The following IL19 variants were observed in gnomAD, a reference collection of about 807,000 sequenced individuals.
IL19 encodes interleukin-19.
In IL19, 15 loss-of-function variants were observed where a neutral mutation model predicts 19.5. That is an observed-to-expected ratio of 0.77 (90% CI 0.52 to 1.19). The LOEUF (loss-of-function observed/expected upper bound fraction) is 1.19, where lower values mean the gene tolerates loss of function less well. Ranked by LOEUF, IL19 falls within the 50% of genes most tolerant of loss-of-function variation. The pLI, the probability that IL19 is intolerant of heterozygous loss-of-function variation, is 0.00. For missense variants in IL19, 199 were observed against 213.1 expected (o/e 0.93, Z 0.41); for synonymous variants, 78 against 78.3 (o/e 1.00, Z 0.02).
chr1:206,781,902 T>TTAGAAAGTAAAACTGATAA lies in IL19; in HGVS notation c.-149+10824_-149+10825insTAGAAAGTAAAACTGATAA, dbSNP rs1297704349. On this transcript the variant is annotated intron_variant, in intron 1 of 6. Coordinates refer to ENST00000659997, the MANE Select transcript of IL19 (RefSeq NM_153758.5). Reference sequence around the variant, plus strand: ...ACATATATATGTATATAGTTATATATACATATATATGTATATAGTTATATA... The same window carrying TTAGAAAGTAAAACTGATAA: ...ACATATATATGTATATAGTTATATATTAGAAAGTAAAACTGATAAACATATATATGTATATAGTTATATA... Among the ~76,000 whole-genome samples the TTAGAAAGTAAAACTGATAA allele has an allele frequency of 8.8e-5, 11 of 124,756 alleles. 1 individual carries two copies. The highest frequency in any genetic ancestry group is 3.5e-4 in the African/African-American group (10 of 28,688). The allele number at this position is 124,756 out of a possible 152,430, so 81.8% of individuals were successfully genotyped here.
intron 2 of IL19, among the ~76,000 whole-genome samples, chr1:206,826,803 G>A (rs763433025): frequency 3.3e-4 from 50 of 152,210 alleles, no homozygotes; most frequent in Non-Finnish European, 6.6e-4. Context: ...GCCATTTGCC[G>A]TTCTGCTGTT....
chr1:206,807,915 T>TA (rs953270466), intron 2 of IL19, among the ~76,000 whole-genome samples: 6 of 137,898 alleles, frequency 4.4e-5, no homozygotes, highest in African/African-American at 1.6e-4. Context: ...AAGGTGATGG[T>TA]AAACTTTTTT....
intron 2 of IL19, among the ~76,000 whole-genome samples, chr1:206,811,584 A>G (rs1455511761): frequency 6.6e-6 from 1 of 152,092 alleles, no homozygotes; most frequent in Non-Finnish European, 1.5e-5. Flanking sequence ...TTCAGTTAAT[A>G]TCTTTCTCCA....
chr1:206,837,749 G>T (rs1228627947), intron 4 of IL19, among the ~76,000 whole-genome samples: 1 of 152,180 alleles, frequency 6.6e-6, no homozygotes, highest in Non-Finnish European at 1.5e-5. Flanking sequence ...CTACTTGGGC[G>T]GCTGAGATGG....
At chr1:206,775,499 G>C (rs1378202919) in intron 1 of IL19, among the ~76,000 whole-genome samples, 1 of 152,144 alleles carries the variant, frequency 6.6e-6, no homozygotes, top group African/African-American at 2.4e-5. Flanking sequence ...GAGAACCATG[G>C]GCAAGTTCCC....
intron 1 of IL19, among the ~76,000 whole-genome samples, chr1:206,772,112 C>T (rs1674867718): frequency 6.6e-6 from 1 of 152,232 alleles, no homozygotes; most frequent in African/African-American, 2.4e-5. Context: ...TCACCAAACC[C>T]ATGGCTTGAT....
At chr1:206,777,922 C>G (rs1675047755) in intron 1 of IL19, among the ~76,000 whole-genome samples, 2 of 152,350 alleles carry the variant, frequency 1.3e-5, no homozygotes, top group South Asian at 4.1e-4. Context: ...CTGCAACAGA[C>G]CCCAATGCCT....
At chr1:206,831,655 C>A (rs943898883) in intron 2 of IL19, among the ~76,000 whole-genome samples, 2 of 152,162 alleles carry the variant, frequency 1.3e-5, no homozygotes, top group Non-Finnish European at 2.9e-5. Flanking sequence ...GTAATCACTT[C>A]ATCTTCATGC....
intron 2 of IL19, among the ~76,000 whole-genome samples, chr1:206,809,685 G>A (rs114206896): frequency 0.015 from 2,252 of 152,284 alleles, 31 homozygotes; most frequent in Non-Finnish European, 0.021. Flanking sequence ...GGCACTAGAT[G>A]GCACTGTAGC....
At chr1:206,824,034 T>A (rs17016609) in intron 2 of IL19, among the ~76,000 whole-genome samples, 6,742 of 152,260 alleles carry the variant, frequency 0.044, 536 homozygotes, top group African/African-American at 0.16. Context: ...TGCCAAGAAA[T>A]GGTCCTGAGT....
At chr1:206,795,882 T>A (rs1675509142) in intron 1 of IL19, among the ~76,000 whole-genome samples, 1 of 152,080 alleles carries the variant, frequency 6.6e-6, no homozygotes. Flanking sequence ...AGTTCATTTT[T>A]GTATGAGGAT....
chr1:206,786,529 C>T (rs780131542), intron 1 of IL19, among the ~76,000 whole-genome samples: 1 of 152,122 alleles, frequency 6.6e-6, no homozygotes, highest in Admixed American at 6.5e-5. Context: ...TCACTGTGAC[C>T]ATAGCTGGGG....
chr1:206,797,425 TC>T (rs1675551713), intron 1 of IL19, among the ~76,000 whole-genome samples: 1 of 151,902 alleles, frequency 6.6e-6, no homozygotes, highest in African/African-American at 2.4e-5. Flanking sequence ...CATTTACACA[TC>T]CCCCACCTCC....
At chr1:206,811,539 T>C (rs746778981) in intron 2 of IL19, among the ~76,000 whole-genome samples, 1 of 152,070 alleles carries the variant, frequency 6.6e-6, no homozygotes, top group Non-Finnish European at 1.5e-5. Flanking sequence ...TAGAATCTCT[T>C]GATTGAAGGT....
rs144374020 is a variant in IL19 at position 206,810,542 on chromosome 1, C to T, written c.-3+11536C>T. ...ATTGACGAAGGTAGCACTTGCATCT[C>T]TGAAAAGCTCTGTGGTGGCTGTCTT... On this transcript the variant is annotated intron_variant, in intron 2 of 6. Coordinates refer to ENST00000659997, the MANE Select transcript of IL19 (RefSeq NM_153758.5). Among the ~76,000 whole-genome samples, 264 of 152,318 alleles carry T rather than the reference C, an allele frequency of 1.7e-3. 2 individuals carry two copies. Among genetic ancestry groups the T allele is most frequent in the African/African-American group, 6.0e-3 (250 of 41,578 alleles).
intron 1 of IL19, among the ~76,000 whole-genome samples, chr1:206,784,929 A>G (rs569745700): frequency 6.6e-6 from 1 of 152,318 alleles, no homozygotes; most frequent in East Asian, 1.9e-4. Flanking sequence ...CAGATAATAA[A>G]TTCCCTTGAG....
chr1:206,793,339 G>T (rs1675448120), intron 1 of IL19, among the ~76,000 whole-genome samples: 1 of 152,194 alleles, frequency 6.6e-6, no homozygotes, highest in Admixed American at 6.5e-5. Flanking sequence ...CGTGAGCTGG[G>T]CCCCAGGAGG....
chr1:206,789,736 A>C (rs1321991542), intron 1 of IL19, among the ~76,000 whole-genome samples: 1 of 151,430 alleles, frequency 6.6e-6, no homozygotes, highest in Non-Finnish European at 1.5e-5. Flanking sequence ...CCCTCCTCCC[A>C]CCCTCCAATA....
Position 206,836,668 on chromosome 1 carries a change from G to T in IL19, c.6G>T (p.Lys2Asn). 6.2e-7 allele frequency: 1 copy of T among 1,607,064 alleles called. No homozygotes were observed. The highest frequency in any genetic ancestry group is 1.1e-5 in the South Asian group (1 of 89,668). The change falls in exon 3 of 7, where the codon AAG becomes AAT. Residue 2 changes from lysine (K) to asparagine (N), a missense_variant. Coordinates refer to ENST00000659997, the MANE Select transcript of IL19 (RefSeq NM_153758.5). ...TTCCTCTCCTTTCTGCAGGCATGAA[G>T]TTACAGTGTGTTTCCCTTTGGCTCC... M[K>N]LQCVSLWLLG...
Sources: allele counts gnomAD v4.1 joint callset (sites outside exome capture counted in the v4.1 genomes callset), GRCh38; gene constraint gnomAD v4.1.1; transcripts MANE v1.5; gene names NCBI Gene and HGNC (gene_info 2026-07-23, HGNC 2026-07-21).